The following GABRB1 variants were observed in gnomAD, a reference collection of about 807,000 sequenced individuals.
GABRB1 encodes gamma-aminobutyric acid type A receptor subunit beta1.
Under a neutral mutation model 51.6 loss-of-function variants are expected in GABRB1, and 17 were observed. The observed-to-expected ratio is 0.33, with a 90% CI of 0.23 to 0.49. GABRB1 has a LOEUF of 0.49. Among genes scored for constraint, GABRB1 ranks in the 20% least tolerant of loss-of-function variants. The pLI, the probability that GABRB1 is intolerant of heterozygous loss-of-function variation, is 0.99. For synonymous variants in GABRB1, 247 were observed against 218.9 expected, an observed-to-expected ratio of 1.13 and a Z score of -1.14; for missense variants, 410 against 600.6, an observed-to-expected ratio of 0.68 and a Z score of 3.32.
chr4:47,174,133 T>C (rs1218304223), intron 4 of GABRB1, among the ~76,000 whole-genome samples: 1 of 152,112 alleles, frequency 6.6e-6, no homozygotes, highest in Non-Finnish European at 1.5e-5. Flanking sequence ...GGTGCAATCA[T>C]GGCTCACTGC....
At chr4:47,314,412 A>T (rs1361460224) in intron 4 of GABRB1, among the ~76,000 whole-genome samples, 3 of 152,042 alleles carry the variant, frequency 2.0e-5, no homozygotes, top group Non-Finnish European at 4.4e-5. Context: ...ATTGTAATTC[A>T]CAATTCTGAA....
At chr4:47,067,909 G>T (rs766287896) in intron 3 of GABRB1, among the ~76,000 whole-genome samples, 13 of 152,042 alleles carry the variant, frequency 8.6e-5, no homozygotes, top group Non-Finnish European at 1.8e-4. Flanking sequence ...GCCCCAGTGT[G>T]TGTTGTTTAC....
At chr4:47,156,104 G>T (rs1560562448) in intron 3 of GABRB1, among the ~76,000 whole-genome samples, 1 of 151,550 alleles carries the variant, frequency 6.6e-6, no homozygotes, top group Non-Finnish European at 1.5e-5. Flanking sequence ...GGAATTGCTA[G>T]ATCACGTGAT....
intron 1 of GABRB1, among the ~76,000 whole-genome samples, chr4:47,006,142 A>G (rs1409102831): frequency 6.6e-6 from 1 of 152,014 alleles, no homozygotes; most frequent in South Asian, 2.1e-4. Flanking sequence ...CGACAGAATT[A>G]TAACGAAAAA....
chr4:47,354,679 C>A (rs1157937125), intron 5 of GABRB1, among the ~76,000 whole-genome samples: 1 of 152,104 alleles, frequency 6.6e-6, no homozygotes, highest in Non-Finnish European at 1.5e-5. Flanking sequence ...CCCGTAGCTT[C>A]CTGAAAGTGG....
At chr4:47,235,068 C>A (rs1464451434) in intron 4 of GABRB1, among the ~76,000 whole-genome samples, 1 of 152,104 alleles carries the variant, frequency 6.6e-6, no homozygotes, top group Admixed American at 6.6e-5. Context: ...CCACTTATAC[C>A]CTTCCTTATT....
intron 4 of GABRB1, among the ~76,000 whole-genome samples, chr4:47,316,776 C>T (rs1247088606): frequency 2.0e-5 from 3 of 151,922 alleles, no homozygotes; most frequent in Non-Finnish European, 4.4e-5. Context: ...TTTCCCAATT[C>T]AGGGTAGCCT....
At chr4:47,047,774 A>T (rs1446847903) in intron 3 of GABRB1, among the ~76,000 whole-genome samples, 1 of 152,246 alleles carries the variant, frequency 6.6e-6, no homozygotes, top group Admixed American at 6.5e-5. Flanking sequence ...TTCATATTGG[A>T]TCTACTGTAT....
At chr4:47,131,846 A>G (rs1262149674) in intron 3 of GABRB1, among the ~76,000 whole-genome samples, 2 of 152,204 alleles carry the variant, frequency 1.3e-5, no homozygotes, top group Non-Finnish European at 2.9e-5. Flanking sequence ...ATTGACAAGT[A>G]AAATATCTGA....
intron 5 of GABRB1, among the ~76,000 whole-genome samples, chr4:47,337,556 G>T (rs1455003905): frequency 6.6e-6 from 1 of 151,948 alleles, no homozygotes; most frequent in African/African-American, 2.4e-5. Flanking sequence ...TATAATTCCT[G>T]CGCTTTGGGA....
chr4:47,139,043 C>T (rs1190980805), intron 3 of GABRB1, among the ~76,000 whole-genome samples: 1 of 151,954 alleles, frequency 6.6e-6, no homozygotes, highest in Non-Finnish European at 1.5e-5. Flanking sequence ...ACATTCCAAC[C>T]ATTTCTGCAC....
intron 4 of GABRB1, among the ~76,000 whole-genome samples, chr4:47,215,051 C>T (rs544082195): frequency 6.0e-4 from 91 of 152,068 alleles, no homozygotes; most frequent in African/African-American, 2.1e-3. Context: ...TCGGTATGGC[C>T]ATGGGATATG....
chr4:47,077,940 T>A (rs1427538217), intron 3 of GABRB1, among the ~76,000 whole-genome samples: 3 of 112,090 alleles, frequency 2.7e-5, no homozygotes, highest in African/African-American at 6.9e-5. Flanking sequence ...ATTATATATT[T>A]TATATATATT....
chr4:47,404,031 G>C (rs28507952), intron 7 of GABRB1, among the ~76,000 whole-genome samples: 93,653 of 152,082 alleles, frequency 0.62, 29,632 homozygotes, highest in African/African-American at 0.76. Flanking sequence ...CCCCTTTAAT[G>C]CCTGCTTTTA....
chr4:47,026,792 A>C (rs1023490200), upstream of GABRB1, among the ~76,000 whole-genome samples: 1 of 152,094 alleles, frequency 6.6e-6, no homozygotes, highest in African/African-American at 2.4e-5. Flanking sequence ...TATACAGGAG[A>C]AGTTGCAAAA....
intron 4 of GABRB1, among the ~76,000 whole-genome samples, chr4:47,188,359 C>G (rs762750476): frequency 6.6e-5 from 10 of 151,974 alleles, no homozygotes; most frequent in Non-Finnish European, 1.0e-4. Flanking sequence ...TTTTTTAATG[C>G]AAGATGTGAC....
chr4:47,404,620 C>G (rs563815463), intron 7 of GABRB1, among the ~76,000 whole-genome samples: 1 of 152,062 alleles, frequency 6.6e-6, no homozygotes, highest in Non-Finnish European at 1.5e-5. Flanking sequence ...CACAGCTATA[C>G]TAATTGTCAT....
intron 4 of GABRB1, among the ~76,000 whole-genome samples, chr4:47,298,842 T>C (rs1724123011): frequency 6.6e-6 from 1 of 151,830 alleles, no homozygotes; most frequent in Non-Finnish European, 1.5e-5. Flanking sequence ...CAAACTATAC[T>C]ACAAGGCTAC....
At chr4:47,298,535 T>G (rs1320620564) in intron 4 of GABRB1, among the ~76,000 whole-genome samples, 1 of 152,118 alleles carries the variant, frequency 6.6e-6, no homozygotes, top group East Asian at 1.9e-4. Context: ...TTACAAGGGA[T>G]GTGAAGCACC....
Sources: gnomAD v4.1 joint callset for allele counts (sites outside exome capture counted in the v4.1 genomes callset) on GRCh38, gnomAD v4.1.1 for gene constraint, MANE v1.5 for transcripts, NCBI Gene and HGNC (gene_info 2026-07-23, HGNC 2026-07-21) for gene names.